The following GCSAML variants were observed in gnomAD, a reference collection of about 807,000 sequenced individuals.
GCSAML encodes the protein germinal center associated signaling and motility like.
A neutral mutation model predicts 13.0 loss-of-function variants in GCSAML; 9 were observed. The observed-to-expected ratio is 0.69, with a 90% CI of 0.42 to 1.21. The LOEUF (loss-of-function observed/expected upper bound fraction) is 1.21. Ranked by LOEUF, GCSAML falls within the 50% of genes most tolerant of loss-of-function variation. The pLI is 0.00. For synonymous variants in GCSAML, 37 were observed against 52.9 expected (o/e 0.70, Z 1.31); for missense variants, 143 against 153.4 (o/e 0.93, Z 0.36).
At chr1:247,531,602 G>A in intron 2 of GCSAML, 2 of 1,614,138 alleles carry the variant, frequency 1.2e-6, no homozygotes, top group Non-Finnish European at 1.7e-6. Flanking sequence ...AATACCATGT[G>A]CCGGAGGGCG....
chr1:247,553,370 G>T lies in GCSAML; in HGVS notation c.30-3037G>T, dbSNP rs191404811. 2.6e-5 allele frequency among the ~76,000 whole-genome samples: 4 copies of T among 151,900 alleles called. No individual in the cohort carries two copies. In the East Asian group the frequency reaches 7.7e-4, roughly 29 times the overall value. On this transcript the variant is annotated intron_variant, in intron 1 of 4. Coordinates refer to ENST00000366488, the MANE Select transcript of GCSAML (RefSeq NM_145278.5). Reference sequence around the variant, plus strand: ...TTAATATATCATCTATAAAGTTAAAGATTTTTCTATTCTTTTTTTGTTCCT... The same window carrying T: ...TTAATATATCATCTATAAAGTTAAATATTTTTCTATTCTTTTTTTGTTCCT...
At position 247,526,507 on chromosome 1, in the gene GCSAML, G is replaced by A. The variant is rs150653688; in HGVS notation, c.-262-433G>A. On this transcript the variant is annotated intron_variant, in intron 1 of 5. Coordinates refer to the GCSAML transcript ENST00000366489. The surrounding 1 kb of genome is among the most constrained non-coding windows in gnomAD (Gnocchi z 4.8). Reference sequence around the variant, plus strand: ...GGTGCTCCATCCTTCTGGAAACTGGGAGCTTTGTGAAATGCATCTTACTTC... The same window carrying A: ...GGTGCTCCATCCTTCTGGAAACTGGAAGCTTTGTGAAATGCATCTTACTTC... 6.2e-6 allele frequency: 1 copy of A among 161,504 alleles called. No homozygotes were observed. Among genetic ancestry groups the A allele is most frequent in the Non-Finnish European group, 1.4e-5 (1 of 73,780 alleles). 10.0% of individuals were successfully genotyped at this position (161,504 alleles called of 1,614,324 possible). A position where few individuals can be genotyped will look rare whatever the true frequency, so the allele number is the denominator to read the frequency against.
At chr1:247,550,500 G>A (rs150568683) in intron 1 of GCSAML, among the ~76,000 whole-genome samples, 25 of 152,240 alleles carry the variant, frequency 1.6e-4, no homozygotes, top group East Asian at 3.9e-4. Flanking sequence ...AGCCGGGCGT[G>A]GTGGTGGGCA....
chr1:247,528,275 A>G (rs1053858378), intron 2 of GCSAML: 18 of 151,850 alleles, frequency 1.2e-4, no homozygotes, highest in African/African-American at 2.7e-4. Context: ...ACAATTGTAC[A>G]CACTTATGGG....
chr1:247,546,933 TAA>T (rs767482285), upstream of GCSAML, among the ~76,000 whole-genome samples: 49 of 102,132 alleles, frequency 4.8e-4, no homozygotes, highest in South Asian at 6.1e-4. Flanking sequence ...CTACTAAAAT[TAA>T]AAAAAAAAAA....
chr1:247,514,493 C>T (rs899467548), intron 1 of GCSAML, among the ~76,000 whole-genome samples: 11 of 152,034 alleles, frequency 7.2e-5, no homozygotes, highest in Non-Finnish European at 1.3e-4. Context: ...ATCTATTTAT[C>T]TTTGTTTTTG....
At chr1:247,544,875 AAAAC>A (rs1667517311), upstream of GCSAML, among the ~76,000 whole-genome samples, 1 of 152,130 alleles carries the variant, frequency 6.6e-6, no homozygotes, top group Admixed American at 6.5e-5. Context: ...AAACAAAACA[AAAAC>A]AAAAAAGAAC....
intron 1 of GCSAML, among the ~76,000 whole-genome samples, chr1:247,554,350 A>T (rs1443496543): frequency 1.3e-5 from 2 of 151,946 alleles, no homozygotes; most frequent in African/African-American, 4.8e-5. Flanking sequence ...TGTTTTCATT[A>T]TATTTTTGTC....
At position 247,574,038 on chromosome 1, in the gene GCSAML, G is replaced by A; in HGVS notation, c.169-105G>A. The A allele has an allele frequency of 3.8e-6, 5 of 1,307,744 alleles. No individual in the cohort carries two copies. In the South Asian group the frequency reaches 6.9e-5, roughly 18 times the overall value. 81.0% of individuals were successfully genotyped at this position (1,307,744 alleles called of 1,614,324 possible). A position where few individuals can be genotyped will look rare whatever the true frequency, so the allele number is the denominator to read the frequency against. On this transcript the variant is annotated intron_variant, in intron 4 of 4. Transcript: ENST00000366488. ...TGCTTGGGTTTTGGATACCTTAAGTGTAAGAGCACCATCAGGTGTATAAAG... is the reference window on the plus strand; with the variant it reads ...TGCTTGGGTTTTGGATACCTTAAGTATAAGAGCACCATCAGGTGTATAAAG...
chr1:247,516,129 G>T (rs1208346457), intron 1 of GCSAML, among the ~76,000 whole-genome samples: 1 of 152,054 alleles, frequency 6.6e-6, no homozygotes, highest in Non-Finnish European at 1.5e-5. Flanking sequence ...CAAGAACAGG[G>T]GTGTTTTGCC....
chr1:247,563,143 C>T lies in GCSAML; in HGVS notation c.90-447C>T, dbSNP rs569234917. 2.1e-4 allele frequency among the ~76,000 whole-genome samples: 32 copies of T among 152,190 alleles called. No individual in the cohort carries two copies. The East Asian group carries it at 4.4e-3, about 21-fold the overall frequency. On this transcript the variant is annotated intron_variant, in intron 2 of 4. Transcript: ENST00000366488. ...GATCACAGGCATAAGCCATCCCACC[C>T]GGCCACCACACTTATTAATGTCTAT...
rs538288440 is a variant in GCSAML, at chr1:247,508,215, C to T, written c.-263+982C>T. On this transcript the variant is annotated intron_variant, in intron 1 of 5. Coordinates refer to the GCSAML transcript ENST00000366489. ...TTTTAATGATTGCCATTCTAAGTGG[C>T]ATGAGATGGTATCTCATTGTGGTTT... is the stretch of plus-strand genomic sequence containing the variant. 2.0e-5 allele frequency among the ~76,000 whole-genome samples: 3 copies of T among 152,274 alleles called. No individual in the cohort carries two copies. In the South Asian group the frequency reaches 6.2e-4, roughly 32 times the overall value.
At chr1:247,566,343 A>G (rs1161598336) in intron 4 of GCSAML, among the ~76,000 whole-genome samples, 1 of 152,114 alleles carries the variant, frequency 6.6e-6, no homozygotes, top group East Asian at 1.9e-4. Flanking sequence ...CCTGGGTTCA[A>G]GTGATTCTGG....
chr1:247,512,295 A>T (rs1457976483), intron 1 of GCSAML, among the ~76,000 whole-genome samples: 1 of 151,532 alleles, frequency 6.6e-6, no homozygotes, highest in African/African-American at 2.4e-5. Flanking sequence ...CTGCTTGATC[A>T]ATTCGGCTAC....
At chr1:247,518,822 C>G (rs577433518) in intron 1 of GCSAML, among the ~76,000 whole-genome samples, 1 of 152,310 alleles carries the variant, frequency 6.6e-6, no homozygotes, top group African/African-American at 2.4e-5. Context: ...GAACCCATCG[C>G]TACCAGAAAT....
chr1:247,519,947 T>G (rs1411087834), intron 1 of GCSAML, among the ~76,000 whole-genome samples: 1 of 152,220 alleles, frequency 6.6e-6, no homozygotes, highest in Non-Finnish European at 1.5e-5. Flanking sequence ...TTGACAGTGA[T>G]TATGTTAATC....
intron 1 of GCSAML, among the ~76,000 whole-genome samples, chr1:247,518,104 G>A (rs1380810973): frequency 6.6e-6 from 1 of 152,194 alleles, no homozygotes; most frequent in African/African-American, 2.4e-5. Flanking sequence ...TAACCGCGGG[G>A]GCTCAGGCAA....
chr1:247,549,089 G>A (rs948572866), upstream of GCSAML: 5 of 1,611,290 alleles, frequency 3.1e-6, no homozygotes, highest in African/African-American at 6.7e-5. Flanking sequence ...CCCGTGGTCA[G>A]ATGCAACGTC....
chr1:247,524,546 C>T (rs1267565768), intron 1 of GCSAML: 1 of 152,192 alleles, frequency 6.6e-6, no homozygotes, highest in African/African-American at 2.4e-5. Context: ...CTTTTGCATC[C>T]TATGAAAGCA....
Sources: gnomAD v4.1 joint callset for allele counts (sites outside exome capture counted in the v4.1 genomes callset) on GRCh38, gnomAD v4.1.1 for gene constraint, Gnocchi (gnomAD v3.1) non-coding constraint, MANE v1.5 for transcripts, NCBI Gene and HGNC (gene_info 2026-07-23, HGNC 2026-07-21) for gene names.